Variants in SYN3 observed in about 807,000 individuals in gnomAD.
SYN3 encodes synapsin III, also known as synapsin-3.
SYN3 carries 35 observed loss-of-function variants against 65.8 expected under a neutral mutation model. That is an observed-to-expected ratio of 0.53 (90% CI 0.41 to 0.70). SYN3 has a LOEUF of 0.70. Among genes scored for constraint, SYN3 ranks in the 30% least tolerant of loss-of-function variants. The pLI, the probability that SYN3 is intolerant of heterozygous loss-of-function variation, is 0.00. For missense variants in SYN3, 680 were observed against 749.0 expected, an observed-to-expected ratio of 0.91 and a Z score of 1.08; for synonymous variants, 270 against 292.9, an observed-to-expected ratio of 0.92 and a Z score of 0.80.
chr22:33,047,658 C>A (rs550822927), intron 1 of SYN3, among the ~76,000 whole-genome samples: 1 of 151,834 alleles, frequency 6.6e-6, no homozygotes, highest in East Asian at 1.9e-4. Context: ...TCCAGAAGTG[C>A]CACTAATGTG....
chr22:32,939,542 G>GTCTT (rs1220614403), intron 3 of SYN3, among the ~76,000 whole-genome samples: 2 of 152,096 alleles, frequency 1.3e-5, no homozygotes. Context: ...ACACCATGAT[G>GTCTT]CTACCATTTT....
At chr22:32,640,770 G>C (rs1440047852) in intron 6 of SYN3, among the ~76,000 whole-genome samples, 1 of 152,178 alleles carries the variant, frequency 6.6e-6, no homozygotes, top group Non-Finnish European at 1.5e-5. Flanking sequence ...CGGAAGCTGA[G>C]GTGAGAGAAT....
At chr22:32,694,732 C>A (rs186435590) in intron 6 of SYN3, among the ~76,000 whole-genome samples, 2 of 152,140 alleles carry the variant, frequency 1.3e-5, no homozygotes, top group Non-Finnish European at 2.9e-5. Flanking sequence ...ATCCTAGAAC[C>A]AATCCTCTAT....
chr22:32,532,396 G>A (rs2058090165), intron 10 of SYN3, among the ~76,000 whole-genome samples: 1 of 152,304 alleles, frequency 6.6e-6, no homozygotes. Flanking sequence ...AGGTCAAGGA[G>A]TCTGTTCCCA....
chr22:32,670,793 G>A (rs947703763), intron 6 of SYN3, among the ~76,000 whole-genome samples: 1 of 152,362 alleles, frequency 6.6e-6, no homozygotes, highest in East Asian at 1.9e-4. Flanking sequence ...TGTATATAAC[G>A]AGCATGTGCT....
chr22:32,789,178 A>G (rs763892899), intron 6 of SYN3, among the ~76,000 whole-genome samples: 11 of 152,320 alleles, frequency 7.2e-5, no homozygotes, highest in Non-Finnish European at 1.0e-4. Flanking sequence ...AGCAATAGAC[A>G]AAAAAATGAT....
At chr22:32,854,215 C>T (rs540722303) in intron 6 of SYN3, among the ~76,000 whole-genome samples, 9 of 152,262 alleles carry the variant, frequency 5.9e-5, no homozygotes, top group African/African-American at 2.2e-4. Context: ...TCAGAATTGA[C>T]CCTAAAACAC....
intron 6 of SYN3, among the ~76,000 whole-genome samples, chr22:32,730,255 T>C (rs983223069): frequency 6.6e-6 from 1 of 152,216 alleles, no homozygotes; most frequent in African/African-American, 2.4e-5. Context: ...AAACCTACTG[T>C]GAGGTGGCTG....
intron 6 of SYN3, among the ~76,000 whole-genome samples, chr22:32,722,316 T>C (rs1320167044): frequency 6.6e-6 from 1 of 152,094 alleles, no homozygotes; most frequent in Admixed American, 6.5e-5. Flanking sequence ...CCTTGACCCT[T>C]GATGGTGTAC....
At chr22:32,931,326 TG>T in intron 4 of SYN3, 63 bp downstream of exon 4, 1 of 1,076,112 alleles carries the variant, frequency 9.3e-7, no homozygotes, top group Non-Finnish European at 1.4e-6. Context: ...GACGGAGGGG[TG>T]GGCTACATGA....
At chr22:32,548,783 A>C (rs1388297749) in intron 7 of SYN3, among the ~76,000 whole-genome samples, 1 of 152,228 alleles carries the variant, frequency 6.6e-6, no homozygotes, top group African/African-American at 2.4e-5. Flanking sequence ...TAGTAATTCC[A>C]CTATTAAACA....
At chr22:32,779,799 C>T (rs2045989568) in intron 6 of SYN3, among the ~76,000 whole-genome samples, 2 of 152,076 alleles carry the variant, frequency 1.3e-5, no homozygotes, top group Admixed American at 6.5e-5. Context: ...TCCTTGCTAG[C>T]GACTCCTCCA....
intron 6 of SYN3, among the ~76,000 whole-genome samples, chr22:32,788,975 C>A (rs970289515): frequency 6.6e-6 from 1 of 152,164 alleles, no homozygotes; most frequent in East Asian, 1.9e-4. Context: ...GCTGCCCCCC[C>A]ACCCCCAACA....
chr22:32,899,196 C>T (rs1351414207), intron 4 of SYN3, among the ~76,000 whole-genome samples: 1 of 152,174 alleles, frequency 6.6e-6, no homozygotes, highest in East Asian at 1.9e-4. Flanking sequence ...GCATCAAGTA[C>T]TGTGCCTGAA....
At chr22:32,773,928 G>A (rs2145789937) in intron 6 of SYN3, among the ~76,000 whole-genome samples, 1 of 152,294 alleles carries the variant, frequency 6.6e-6, no homozygotes, top group Non-Finnish European at 1.5e-5. Flanking sequence ...AGTCAGAAGT[G>A]GACAAGGTTT....
chr22:32,981,468 A>G (rs2052371104), intron 2 of SYN3, among the ~76,000 whole-genome samples: 1 of 151,608 alleles, frequency 6.6e-6, no homozygotes, highest in East Asian at 2.0e-4. Context: ...GCATGTAATC[A>G]CAGCTACCCG....
chr22:32,589,067 A>C (rs1232346832), intron 7 of SYN3, among the ~76,000 whole-genome samples: 1 of 152,216 alleles, frequency 6.6e-6, no homozygotes, highest in African/African-American at 2.4e-5. Context: ...CACTGCCCCG[A>C]GCTCCTATTC....
chr22:32,566,629 G>A (rs1214885466), intron 7 of SYN3, among the ~76,000 whole-genome samples: 1 of 152,212 alleles, frequency 6.6e-6, no homozygotes, highest in Non-Finnish European at 1.5e-5. Context: ...TGGAGGTCAT[G>A]AATTATCTTT....
At chr22:32,679,643 G>T (rs964898435) in intron 6 of SYN3, among the ~76,000 whole-genome samples, 2 of 151,956 alleles carry the variant, frequency 1.3e-5, no homozygotes, top group Admixed American at 1.3e-4. Context: ...CAACACTTTT[G>T]TTTTTAATAA....
Sources: gnomAD v4.1 joint callset for allele counts (sites outside exome capture counted in the v4.1 genomes callset) on GRCh38, gnomAD v4.1.1 for gene constraint, MANE v1.5 for transcripts, NCBI Gene and HGNC (gene_info 2026-07-23, HGNC 2026-07-21) for gene names.